SLC16A7: variants seen among roughly 807,000 people sequenced by gnomAD.
SLC16A7 encodes the protein monocarboxylate transporter 2.
In SLC16A7, 33 loss-of-function variants were observed where a neutral mutation model predicts 34.9. The observed-to-expected ratio is 0.94, with a 90% CI of 0.72 to 1.26. SLC16A7 has a LOEUF of 1.26. Ranked by LOEUF, SLC16A7 falls within the 50% of genes most tolerant of loss-of-function variation. SLC16A7 has a pLI of 0.00. For missense variants in SLC16A7, 573 were observed against 578.1 expected, an observed-to-expected ratio of 0.99 and a Z score of 0.09; for synonymous variants, 201 against 206.6, an observed-to-expected ratio of 0.97 and a Z score of 0.23.
At position 59,728,048 on chromosome 12, in the gene SLC16A7, T is replaced by C. The variant is rs565518551; in HGVS notation, c.217+23030T>C. Among the ~76,000 whole-genome samples, 124 of 152,166 alleles carry C rather than the reference T, an allele frequency of 8.1e-4. 2 individuals are homozygous for C. The South Asian group carries it at 0.012, about 15-fold the overall frequency. Reference sequence around the variant, plus strand: ...AGGTGAGTAGAGACCCAGGTTCCAATAGATAATAACAACAAGGAGGTTGGA... The same window carrying C: ...AGGTGAGTAGAGACCCAGGTTCCAACAGATAATAACAACAAGGAGGTTGGA... On this transcript the variant is annotated intron_variant, in intron 3 of 5. Transcript: ENST00000547379.
chr12:59,667,248 A>G (rs1869283496), intron 2 of SLC16A7, among the ~76,000 whole-genome samples: 2 of 152,196 alleles, frequency 1.3e-5, no homozygotes, highest in African/African-American at 4.8e-5. Context: ...GGGTGGGGAC[A>G]CAGCCAAACC....
In SLC16A7 at chr12:59,704,977, C is replaced by T. The variant is rs1873397809; in HGVS notation, c.176C>T (p.Ala59Val). 1.2e-6 allele frequency: 2 copies of T among 1,612,918 alleles called. No homozygotes were observed. Among genetic ancestry groups the T allele is most frequent in the Admixed American group, 1.7e-5 (1 of 59,986 alleles). ...QIFHTTYSEI[A>V]WISSIMLAVM... Reference sequence around the variant, plus strand: ...TTCCACACTACCTACAGTGAAATAGCATGGATTTCATCCATTATGCTGGCT... The same window carrying T: ...TTCCACACTACCTACAGTGAAATAGTATGGATTTCATCCATTATGCTGGCT... The change falls in exon 3 of 6, where the codon GCA becomes GTA. Residue 59 changes from alanine to valine, a missense_variant. By Grantham distance (64) the Ala-to-Val change is moderately conservative (BLOSUM62 0). Transcript: ENST00000547379.
intron 3 of SLC16A7, among the ~76,000 whole-genome samples, chr12:59,745,679 C>A (rs1288465540): frequency 6.6e-6 from 1 of 152,152 alleles, no homozygotes; most frequent in Non-Finnish European, 1.5e-5. Flanking sequence ...AGCAGATATT[C>A]TTCCTGGAAG....
intron 1 of SLC16A7, among the ~76,000 whole-genome samples, chr12:59,604,840 G>A (rs951882448): frequency 3.3e-5 from 5 of 152,112 alleles, no homozygotes; most frequent in Admixed American, 6.6e-5. Context: ...GGAAAAGTCC[G>A]ATAATTTTAT....
intron 4 of SLC16A7, among the ~76,000 whole-genome samples, chr12:59,773,052 T>A (rs1882385728): frequency 6.6e-6 from 1 of 151,954 alleles, no homozygotes; most frequent in Admixed American, 6.6e-5. Context: ...GGATTAAGAT[T>A]TGAAGGCAAA....
intron 3 of SLC16A7, among the ~76,000 whole-genome samples, chr12:59,748,143 G>A (rs1489004069): frequency 1.3e-5 from 2 of 152,162 alleles, no homozygotes; most frequent in Non-Finnish European, 2.9e-5. Flanking sequence ...GGGATTGGTA[G>A]AAGTGGAGAG....
At chr12:59,613,884 C>T (rs1347888442) in intron 1 of SLC16A7, among the ~76,000 whole-genome samples, 1 of 152,048 alleles carries the variant, frequency 6.6e-6, no homozygotes, top group Non-Finnish European at 1.5e-5. Context: ...AATATGGTCT[C>T]TTTCATAAAA....
At chr12:59,697,024 A>G (rs1309263311) in intron 2 of SLC16A7, among the ~76,000 whole-genome samples, 5 of 151,960 alleles carry the variant, frequency 3.3e-5, no homozygotes, top group African/African-American at 1.2e-4. Context: ...GCTTAATCAT[A>G]TGTTTTTTAT....
At position 59,782,454 on chromosome 12, in the gene SLC16A7, G is replaced by A. The variant is rs758796832; in HGVS notation, c.*2775G>A. ...TTGGCTTCTGCCTCTGCAACAATTA[G>A]TATGAACATATTTCTTTCTCTAGGG... On this transcript the variant is annotated 3_prime_UTR_variant, in exon 6 of 6. Coordinates refer to ENST00000547379, the MANE Select transcript of SLC16A7 (RefSeq NM_001270623.2). The A allele has an allele frequency of 6.6e-6, 1 of 152,156 alleles. No individual in the cohort carries two copies. Among genetic ancestry groups the A allele is most frequent in the African/African-American group, 2.4e-5 (1 of 41,442 alleles). 9.4% of individuals were successfully genotyped at this position (152,156 alleles called of 1,614,324 possible).
rs144066603 is a variant in SLC16A7 at position 59,767,615 on chromosome 12, G to A, written c.218-3604G>A. On this transcript the variant is annotated intron_variant, in intron 3 of 5. Transcript: ENST00000547379. ...GTATAATAGTACATTTGTTTACAGC[G>A]TAGTTTGCTGAATATTTTAAGCCCA... Among the ~76,000 whole-genome samples, 239 of 152,146 alleles carry A rather than the reference G, an allele frequency of 1.6e-3. 3 individuals carry two copies. The highest frequency in any genetic ancestry group is 4.4e-3 in the African/African-American group (182 of 41,526).
chr12:59,656,651 A>G (rs1240461334), intron 2 of SLC16A7, among the ~76,000 whole-genome samples: 1 of 152,042 alleles, frequency 6.6e-6, no homozygotes, highest in Non-Finnish European at 1.5e-5. Flanking sequence ...TTACAGCAGC[A>G]ACAGAAAACA....
At chr12:59,703,005 GAATA>G (rs1166973928) in intron 2 of SLC16A7, among the ~76,000 whole-genome samples, 1 of 151,868 alleles carries the variant, frequency 6.6e-6, no homozygotes, top group Non-Finnish European at 1.5e-5. Context: ...AAACTAAACT[GAATA>G]AATACTTACT....
At position 59,719,954 on chromosome 12, in the gene SLC16A7, C is replaced by T; in HGVS notation, c.217+14936C>T. ...CCTTAGCTATTATAAACATGCTAAT[C>T]TTCTAAGTAAATATTGGAAACAGGA... On this transcript the variant is annotated intron_variant, in intron 3 of 5. Transcript: ENST00000547379. 4.9e-6 allele frequency: 3 copies of T among 606,218 alleles called. No individual in the cohort carries two copies. The South Asian group carries it at 6.1e-5, about 12-fold the overall frequency. The allele number at this position is 606,218 out of a possible 1,614,324, so 37.6% of individuals were successfully genotyped here.
intron 3 of SLC16A7, among the ~76,000 whole-genome samples, chr12:59,759,785 T>C (rs1004121077): frequency 6.6e-6 from 1 of 152,044 alleles, no homozygotes; most frequent in Admixed American, 6.6e-5. Context: ...GGATAACTTA[T>C]GCAATATTAA....
intron 3 of SLC16A7, among the ~76,000 whole-genome samples, chr12:59,736,781 C>G (rs1171028856): frequency 6.6e-6 from 1 of 152,166 alleles, no homozygotes; most frequent in African/African-American, 2.4e-5. Flanking sequence ...GATCATCTGT[C>G]CTCCTTATGC....
At chr12:59,721,856 A>C (rs1258159368) in intron 3 of SLC16A7, among the ~76,000 whole-genome samples, 1 of 151,948 alleles carries the variant, frequency 6.6e-6, no homozygotes, top group Non-Finnish European at 1.5e-5. Context: ...ATAAAATATT[A>C]CACTTAAATA....
At chr12:59,718,824 T>C (rs1002945629) in intron 3 of SLC16A7, among the ~76,000 whole-genome samples, 1 of 152,098 alleles carries the variant, frequency 6.6e-6, no homozygotes, top group African/African-American at 2.4e-5. Flanking sequence ...CCTAAAAGAA[T>C]TGTAGACATA....
At position 59,749,176 on chromosome 12, in the gene SLC16A7, T is replaced by G. The variant is rs577667383; in HGVS notation, c.218-22043T>G. On this transcript the variant is annotated intron_variant, in intron 3 of 5. Coordinates refer to ENST00000547379, the MANE Select transcript of SLC16A7 (RefSeq NM_001270623.2). ...GAATTTAAGGTAGGAAGGGACAGGC[T>G]AACTGTACTGTTTTGAGCAAATGCA... Among the ~76,000 whole-genome samples the G allele has an allele frequency of 2.0e-5, 3 of 152,328 alleles. No individual in the cohort carries two copies. The South Asian group carries it at 6.2e-4, about 32-fold the overall frequency.
intron 4 of SLC16A7, among the ~76,000 whole-genome samples, chr12:59,772,719 T>C (rs1275020783): frequency 6.6e-6 from 1 of 152,196 alleles, no homozygotes; most frequent in Admixed American, 6.6e-5. Context: ...ATAATAGCTC[T>C]TTTTAAAGGA....
Sources: allele counts gnomAD v4.1 joint callset (sites outside exome capture counted in the v4.1 genomes callset), GRCh38; gene constraint gnomAD v4.1.1; transcripts MANE v1.5; gene names NCBI Gene and HGNC (gene_info 2026-07-23, HGNC 2026-07-21).